The following KCNQ5 variants were observed in gnomAD, a reference collection of about 807,000 sequenced individuals.
KCNQ5 encodes the protein potassium voltage-gated channel subfamily KQT member 5.
Under a neutral mutation model 98.2 loss-of-function variants are expected in KCNQ5, and 30 were observed. That is an observed-to-expected ratio of 0.31 (90% CI 0.23 to 0.41). The LOEUF is 0.41. Ranked by LOEUF, KCNQ5 falls within the 10% of genes least tolerant of loss-of-function variation. The probability of loss-of-function intolerance (pLI) is 1.00; values close to 1 mark genes in which losing one functional copy is unlikely to be tolerated. For synonymous variants in KCNQ5, 458 were observed against 449.4 expected, an observed-to-expected ratio of 1.02 and a Z score of -0.24; for missense variants, 835 against 1,182.5, an observed-to-expected ratio of 0.71 and a Z score of 4.31.
intron 3 of KCNQ5, among the ~76,000 whole-genome samples, chr6:73,074,041 A>G (rs148088554): frequency 4.2e-4 from 64 of 152,320 alleles, no homozygotes; most frequent in Middle Eastern, 3.4e-3. Context: ...TGATGTGGTA[A>G]GAGAACAAAG....
In KCNQ5 at chr6:72,622,379, C is replaced by G. The variant is rs2098915725; in HGVS notation, c.190C>G (p.Arg64Gly). Residue 64 changes from arginine to glycine, a missense_variant, in exon 1 of 14, where the codon CGC becomes GGC. Around this residue, in one of 10 missense-constraint regions of KCNQ5, gnomAD observed 21 missense variants for 43.9 expected, o/e 0.48. Transcript: ENST00000370398. This position sits in a 1 kb window ranked among gnomAD's most constrained non-coding sequence, Gnocchi z 6.0. ...CGACGGCCTGCTACTGCTGGGCACC[C>G]GCGCGGCCACGCTCGGTGGCGGCGG... ...RGDGLLLLGT[R>G]AATLGGGGGG... is the part of the protein sequence containing the mutation. 5 of 1,466,778 alleles carry G rather than the reference C, an allele frequency of 3.4e-6. No individual in the cohort carries two copies. Among genetic ancestry groups the G allele is most frequent in the Non-Finnish European group, 4.5e-6 (5 of 1,109,578 alleles). 90.9% of individuals were successfully genotyped at this position (1,466,778 alleles called of 1,614,324 possible).
intron 1 of KCNQ5, among the ~76,000 whole-genome samples, chr6:72,696,775 C>T (rs1768529074): frequency 6.6e-6 from 1 of 152,052 alleles, no homozygotes; most frequent in Non-Finnish European, 1.5e-5. Context: ...GGAACACTCC[C>T]AGTATCTTAA....
intron 1 of KCNQ5, among the ~76,000 whole-genome samples, chr6:72,672,633 A>G (rs967524363): frequency 1.3e-5 from 2 of 152,182 alleles, no homozygotes; most frequent in African/African-American, 4.8e-5. Context: ...TGGGGCTTCA[A>G]TTTCCTCATC....
At chr6:72,917,917 A>G (rs1201015274) in intron 1 of KCNQ5, among the ~76,000 whole-genome samples, 1 of 152,168 alleles carries the variant, frequency 6.6e-6, no homozygotes, top group Non-Finnish European at 1.5e-5. Context: ...CATTTGGGCC[A>G]GGTGTTTCTT....
At chr6:73,052,271 C>T (rs917988885) in intron 3 of KCNQ5, among the ~76,000 whole-genome samples, 2 of 152,132 alleles carry the variant, frequency 1.3e-5, no homozygotes, top group Non-Finnish European at 2.9e-5. Flanking sequence ...TCACTGATGT[C>T]CCTGAAAGAG....
At chr6:72,875,788 TATC>T (rs1192390163) in intron 1 of KCNQ5, among the ~76,000 whole-genome samples, 3 of 152,060 alleles carry the variant, frequency 2.0e-5, no homozygotes, top group Admixed American at 6.6e-5. Flanking sequence ...TGAATAATAT[TATC>T]ATCACTAATG....
intron 1 of KCNQ5, among the ~76,000 whole-genome samples, chr6:72,741,348 CTT>C (rs991993975): frequency 2.0e-5 from 3 of 152,174 alleles, no homozygotes; most frequent in Non-Finnish European, 4.4e-5. Flanking sequence ...CACCCCATGA[CTT>C]TCTGTCACCT....
chr6:72,796,151 T>A (rs1774326134), intron 1 of KCNQ5, among the ~76,000 whole-genome samples: 1 of 152,178 alleles, frequency 6.6e-6, no homozygotes, highest in South Asian at 2.1e-4. Flanking sequence ...AATATTCATA[T>A]TTGCCTATTA....
intron 1 of KCNQ5, among the ~76,000 whole-genome samples, chr6:72,743,566 C>G (rs1191923164): frequency 6.6e-6 from 1 of 152,182 alleles, no homozygotes; most frequent in Non-Finnish European, 1.5e-5. Flanking sequence ...GTGACCATAC[C>G]AAGATTATGC....
intron 1 of KCNQ5, among the ~76,000 whole-genome samples, chr6:72,650,697 T>C (rs1202650906): frequency 1.3e-5 from 2 of 152,154 alleles, no homozygotes; most frequent in Admixed American, 1.3e-4. Flanking sequence ...TGTATTAGTA[T>C]AGGGTCTTGT....
At chr6:73,068,048 CA>C (rs1384020050) in intron 3 of KCNQ5, among the ~76,000 whole-genome samples, 3 of 152,210 alleles carry the variant, frequency 2.0e-5, no homozygotes, top group African/African-American at 7.2e-5. Flanking sequence ...GTAATCCCAG[CA>C]CTTTGGGAGG....
At chr6:72,712,046 A>G (rs1380240696) in intron 1 of KCNQ5, among the ~76,000 whole-genome samples, 1 of 152,202 alleles carries the variant, frequency 6.6e-6, no homozygotes, top group African/African-American at 2.4e-5. Context: ...TTCTCTGTGG[A>G]CAGGGATTTT....
intron 10 of KCNQ5, among the ~76,000 whole-genome samples, chr6:73,134,566 C>T (rs1479428043): frequency 2.6e-5 from 4 of 152,214 alleles, no homozygotes; most frequent in African/African-American, 9.6e-5. Context: ...TCCCTGGAAC[C>T]GCAGTCCACG....
chr6:72,963,658 A>T (rs976540666), intron 1 of KCNQ5, among the ~76,000 whole-genome samples: 1 of 151,802 alleles, frequency 6.6e-6, no homozygotes, highest in Non-Finnish European at 1.5e-5. Flanking sequence ...CTTTTATTTT[A>T]TTTATTTATT....
intron 1 of KCNQ5, among the ~76,000 whole-genome samples, chr6:72,826,694 C>T (rs1380954974): frequency 6.6e-6 from 1 of 152,090 alleles, no homozygotes; most frequent in Non-Finnish European, 1.5e-5. Flanking sequence ...TATCTATCAT[C>T]TCTAATATTT....
intron 1 of KCNQ5, among the ~76,000 whole-genome samples, chr6:72,996,248 A>G (rs901227305): frequency 2.0e-4 from 31 of 152,240 alleles, no homozygotes; most frequent in African/African-American, 7.0e-4. Flanking sequence ...ACTATTTGTA[A>G]TGTGGGTCCC....
rs370819828 is a variant in KCNQ5 at position 73,158,407 on chromosome 6, C to T, written c.1469-11339C>T. Among the ~76,000 whole-genome samples, 12 of 152,072 alleles carry T rather than the reference C, an allele frequency of 7.9e-5. No homozygotes were observed. The East Asian group carries it at 2.3e-3, about 29-fold the overall frequency. On this transcript the variant is annotated intron_variant, in intron 10 of 13. Coordinates refer to ENST00000370398, the MANE Select transcript of KCNQ5 (RefSeq NM_019842.4). ...TCGGCCTCCCGAGTAGCTGGGACTACAGGCGCCCACCACCACGCCTGGCTA... is the reference window on the plus strand; with the variant it reads ...TCGGCCTCCCGAGTAGCTGGGACTATAGGCGCCCACCACCACGCCTGGCTA...
chr6:72,639,872 C>T (rs1156346688), intron 1 of KCNQ5, among the ~76,000 whole-genome samples: 1 of 151,956 alleles, frequency 6.6e-6, no homozygotes, highest in African/African-American at 2.4e-5. Context: ...TCAGGAACCC[C>T]CTTCCCTGAG....
chr6:73,133,621 A>G lies in KCNQ5; in HGVS notation c.1448A>G (p.Gln483Arg). 1 of 1,614,242 alleles carries G rather than the reference A, an allele frequency of 6.2e-7. No homozygotes were observed. Among genetic ancestry groups the G allele is most frequent in the Non-Finnish European group, 8.5e-7 (1 of 1,180,042 alleles). Reference sequence around the variant, plus strand: ...CCCTCGCTGCGCCTCAAAAGTTCTCAGCCAAAACCAGTGATAGATGGTAAG... The same window carrying G: ...CCCTCGCTGCGCCTCAAAAGTTCTCGGCCAAAACCAGTGATAGATGGTAAG... ...FRPSLRLKSSQPKPVIDADTA... is the reference protein window; with the variant it reads ...FRPSLRLKSSRPKPVIDADTA... Residue 483 changes from glutamine (Q) to arginine (R), a missense_variant, in exon 10 of 14, where the codon CAG (glutamine) becomes CGG (arginine). Gln to Arg is a conservative substitution (Grantham distance 43). This residue lies in a region of KCNQ5 where 146 missense variants were observed against 256.7 expected (regional missense o/e 0.57). Transcript: ENST00000370398.
Sources: gnomAD v4.1 joint callset for allele counts (sites outside exome capture counted in the v4.1 genomes callset) on GRCh38, gnomAD v4.1.1 for gene constraint, gnomAD v4.1.1 regional missense constraint, Gnocchi (gnomAD v3.1) non-coding constraint, MANE v1.5 for transcripts, NCBI Gene and HGNC (gene_info 2026-07-23, HGNC 2026-07-21) for gene names.